The following GPM6A variants were observed in gnomAD, a reference collection of about 807,000 sequenced individuals.
GPM6A encodes the protein glycoprotein M6A, also known as neuronal membrane glycoprotein M6-a.
Under a neutral mutation model 32.1 loss-of-function variants are expected in GPM6A, and 7 were observed. The observed-to-expected ratio is 0.22, with a 90% CI of 0.12 to 0.41. The LOEUF is 0.41. Among genes scored for constraint, GPM6A ranks in the 10% least tolerant of loss-of-function variants. GPM6A has a pLI of 1.00. For missense variants in GPM6A, 235 were observed against 347.2 expected, an observed-to-expected ratio of 0.68 and a Z score of 2.57; for synonymous variants, 130 against 123.4, an observed-to-expected ratio of 1.05 and a Z score of -0.35.
chr4:175,649,169 C>G (rs182315442), intron 4 of GPM6A, among the ~76,000 whole-genome samples: 117 of 152,292 alleles, frequency 7.7e-4, no homozygotes, highest in Middle Eastern at 3.4e-3. Context: ...TCTTAGGGCT[C>G]CATTTCTTTT....
chr4:175,999,960 C>T (rs954168683), intron 1 of GPM6A, among the ~76,000 whole-genome samples: 21 of 152,012 alleles, frequency 1.4e-4, no homozygotes, highest in African/African-American at 4.6e-4. Flanking sequence ...CTTAAGTGGC[C>T]AAATGTTTTC....
intron 1 of GPM6A, among the ~76,000 whole-genome samples, chr4:175,714,708 T>C (rs1173646024): frequency 6.6e-6 from 1 of 152,228 alleles, no homozygotes; most frequent in Non-Finnish European, 1.5e-5. Context: ...AATGGTGACA[T>C]TTTTATGTTT....
chr4:175,864,152 T>C (rs1439920468), intron 1 of GPM6A, among the ~76,000 whole-genome samples: 1 of 152,146 alleles, frequency 6.6e-6, no homozygotes, highest in Admixed American at 6.5e-5. Context: ...GTTGAGCAAG[T>C]TTTCATGTGC....
At chr4:175,786,780 A>C (rs1733818270) in intron 1 of GPM6A, 1 of 153,006 alleles carries the variant, frequency 6.5e-6, no homozygotes, top group African/African-American at 2.4e-5. Flanking sequence ...CTCACTCTCT[A>C]ATCCATTCTG....
chr4:175,747,269 CAAAAA>C (rs5864346), intron 1 of GPM6A, among the ~76,000 whole-genome samples: 2 of 109,516 alleles, frequency 1.8e-5, no homozygotes, highest in Non-Finnish European at 3.7e-5. Context: ...ACTCCATCTC[CAAAAA>C]AAAAAAAAAA....
intron 1 of GPM6A, among the ~76,000 whole-genome samples, chr4:175,721,710 A>T (rs1004572162): frequency 1.3e-5 from 2 of 152,178 alleles, no homozygotes; most frequent in Non-Finnish European, 2.9e-5. Context: ...TCGATGAAAA[A>T]CTGTTGACAC....
intron 1 of GPM6A, among the ~76,000 whole-genome samples, chr4:175,926,283 T>C (rs1027700979): frequency 2.0e-5 from 3 of 152,170 alleles, no homozygotes; most frequent in Non-Finnish European, 4.4e-5. Context: ...ATACACTGGC[T>C]TTTACAGTTT....
At chr4:175,635,367 C>T (rs1471171180) in intron 6 of GPM6A, among the ~76,000 whole-genome samples, 3 of 152,006 alleles carry the variant, frequency 2.0e-5, no homozygotes, top group African/African-American at 2.4e-5. Context: ...TTTGCCCAAA[C>T]CATAGATGAT....
chr4:175,929,151 C>A (rs748795255), intron 1 of GPM6A, among the ~76,000 whole-genome samples: 28 of 152,128 alleles, frequency 1.8e-4, no homozygotes, highest in Admixed American at 1.2e-3. Flanking sequence ...CTCAGAAAAA[C>A]CAGTGAATTT....
intron 1 of GPM6A, among the ~76,000 whole-genome samples, chr4:175,929,810 G>A (rs991166711): frequency 3.9e-5 from 6 of 152,116 alleles, no homozygotes; most frequent in Non-Finnish European, 7.4e-5. Context: ...AAATTATAAA[G>A]CATAATGTGA....
chr4:175,910,294 T>C (rs187726231), intron 1 of GPM6A, among the ~76,000 whole-genome samples: 1 of 152,332 alleles, frequency 6.6e-6, no homozygotes, highest in East Asian at 1.9e-4. Context: ...AGTCTCCAAG[T>C]TGCAAAACAC....
At chr4:175,973,910 C>G (rs539852102) in intron 1 of GPM6A, among the ~76,000 whole-genome samples, 2 of 152,034 alleles carry the variant, frequency 1.3e-5, no homozygotes, top group African/African-American at 4.8e-5. Flanking sequence ...TTTAACTCAT[C>G]ATTTTTGGTT....
At chr4:175,780,000 A>C (rs1164451830) in intron 1 of GPM6A, among the ~76,000 whole-genome samples, 1 of 152,154 alleles carries the variant, frequency 6.6e-6, no homozygotes, top group Non-Finnish European at 1.5e-5. Flanking sequence ...GTGAAAAAAA[A>C]ATAGTTTAAA....
intron 1 of GPM6A, among the ~76,000 whole-genome samples, chr4:175,718,702 G>A (rs1302828317): frequency 6.6e-6 from 1 of 152,088 alleles, no homozygotes; most frequent in Non-Finnish European, 1.5e-5. Flanking sequence ...AACCAGGAAT[G>A]TATGAAACAG....
chr4:175,716,303 G>A (rs1165442811), intron 1 of GPM6A, among the ~76,000 whole-genome samples: 1 of 152,134 alleles, frequency 6.6e-6, no homozygotes, highest in Non-Finnish European at 1.5e-5. Context: ...TTAAGAATGA[G>A]AAATATGGGC....
At chr4:175,781,141 T>C (rs1161554460) in intron 1 of GPM6A, 1 of 149,328 alleles carries the variant, frequency 6.7e-6, no homozygotes, top group Non-Finnish European at 1.5e-5. Context: ...AAAAAAAAAA[T>C]AGAACAAAAA....
chr4:175,894,941 AT>A (rs1737752332), intron 1 of GPM6A, among the ~76,000 whole-genome samples: 1 of 152,286 alleles, frequency 6.6e-6, no homozygotes, highest in African/African-American at 2.4e-5. Context: ...TCAAAACACT[AT>A]TACTGTAACA....
chr4:175,640,836 T>C lies in GPM6A; in HGVS notation c.542-7A>G, dbSNP rs903752858. On this transcript the variant is annotated splice_polypyrimidine_tract_variant and splice_region_variant and intron_variant, in intron 4 of 6. Transcript: ENST00000393658. The stretch of plus-strand genomic sequence containing the variant: ...TCTCCAATTGTCACAATTCCTACAA[T>C]GTGTGGGAAATGACAGTTTAGCAGT... The C allele has an allele frequency of 5.8e-6, 9 of 1,556,860 alleles. No individual in the cohort carries two copies. The African/African-American group carries it at 8.1e-5, about 14-fold the overall frequency.
chr4:175,785,333 CAG>C (rs1733760123), intron 1 of GPM6A, among the ~76,000 whole-genome samples: 1 of 152,166 alleles, frequency 6.6e-6, no homozygotes, highest in Non-Finnish European at 1.5e-5. Flanking sequence ...GAGGAGACTG[CAG>C]ATGTCCCAGC....
Sources: gnomAD v4.1 joint callset for allele counts (sites outside exome capture counted in the v4.1 genomes callset) on GRCh38, gnomAD v4.1.1 for gene constraint, MANE v1.5 for transcripts, NCBI Gene and HGNC (gene_info 2026-07-23, HGNC 2026-07-21) for gene names.